Variants in KRT13 observed in about 807,000 individuals in gnomAD.
The protein encoded by KRT13 is keratin 13.
In KRT13, 27 loss-of-function variants were observed where a neutral mutation model predicts 40.6. The ratio of observed to expected loss-of-function variants is 0.67; its 90% CI spans 0.49 to 0.92. The LOEUF (loss-of-function observed/expected upper bound fraction) is 0.92, where lower values mean the gene tolerates loss of function less well. Among genes scored for constraint, KRT13 ranks in the 40% least tolerant of loss-of-function variants. The pLI is 0.00. For missense variants in KRT13, 605 were observed against 611.5 expected (o/e 0.99, Z 0.11); for synonymous variants, 266 against 240.3 (o/e 1.11, Z -0.99).
Position 41,501,108 on chromosome 17 carries a change from C to A in KRT13, c.*148G>T. On this transcript the variant is annotated 3_prime_UTR_variant, in exon 8 of 8. Transcript: ENST00000246635. ...ACCGGAAGAGAAGAGCACAGAGGGCCCACCATCAGGAGAGAGTCAGGACAG... is the reference window on the plus strand; with the variant it reads ...ACCGGAAGAGAAGAGCACAGAGGGCACACCATCAGGAGAGAGTCAGGACAG... 1.6e-6 allele frequency: 1 copy of A among 633,064 alleles called. No homozygotes were observed. Among genetic ancestry groups the A allele is most frequent in the East Asian group, 3.0e-5 (1 of 33,328 alleles). 39.2% of individuals were successfully genotyped at this position (633,064 alleles called of 1,614,324 possible).
In KRT13 at chr17:41,501,424, G is replaced by GC. The variant is rs540960561; in HGVS notation, c.1271-63dup. On this transcript the variant is annotated intron_variant, in intron 7 of 7. Coordinates refer to ENST00000246635, the MANE Select transcript of KRT13 (RefSeq NM_153490.3). The stretch of plus-strand genomic sequence containing the variant: ...AAGACCCACCTCAGGACAGGGCAGG[G>GC]CCCCCCTGGAGGGCTCACAAACTCC... 508 of 1,380,240 alleles carry GC rather than the reference G, an allele frequency of 3.7e-4. 7 individuals are homozygous for GC. The East Asian group carries it at 0.011, about 29-fold the overall frequency. The allele number at this position is 1,380,240 out of a possible 1,614,324, so 85.5% of individuals were successfully genotyped here. A position where few individuals can be genotyped will look rare whatever the true frequency, so the allele number is the denominator to read the frequency against.
rs764004897 is a variant in KRT13, at chr17:41,502,734, G to T, written c.976C>A (p.Arg326Ser). The T allele has an allele frequency of 8.7e-6, 14 of 1,614,052 alleles. No individual in the cohort carries two copies. The highest frequency in any genetic ancestry group is 2.7e-5 in the African/African-American group (2 of 74,936). The change falls in exon 5 of 8, where the codon CGC becomes AGC. Residue 326 changes from arginine to serine, a missense_variant. Coordinates refer to ENST00000246635, the MANE Select transcript of KRT13 (RefSeq NM_153490.3). ...TCAATCTCCAGGCCTTGGAGCGTGC[G>T]CCTGAGCTCCGTGATCTCTGTCTTG... The part of the protein sequence containing the change: ...TSKTEITELR[R>S]TLQGLEIELQ...
At chr17:41,502,335 G>T in intron 6 of KRT13, 39 bp downstream of exon 6, 1 of 1,613,418 alleles carries the variant, frequency 6.2e-7, no homozygotes, top group South Asian at 1.1e-5. Context: ...CACGGGTCCT[G>T]CAGTCACTAT....
chr17:41,505,463 A>G lies in KRT13; in HGVS notation c.88T>C (p.Ser30Pro). 2 of 1,614,112 alleles carry G rather than the reference A, an allele frequency of 1.2e-6. No homozygotes were observed. The highest frequency in any genetic ancestry group is 1.7e-6 in the Non-Finnish European group (2 of 1,179,950). Residue 30 changes from serine to proline, a missense_variant, in exon 1 of 8, where the codon TCT (serine) becomes CCT (proline). Ser to Pro is a moderately conservative substitution (Grantham distance 74). Coordinates refer to ENST00000246635, the MANE Select transcript of KRT13 (RefSeq NM_153490.3). ...SCQLGGGRGV[S>P]TCSTRFVSGG... Reference sequence around the variant, plus strand: ...GACACAAACCGAGTTGAACAGGTAGAGACACCACGGCCTCCTCCCAGCTGG... The same window carrying G: ...GACACAAACCGAGTTGAACAGGTAGGGACACCACGGCCTCCTCCCAGCTGG...
At position 41,505,359 on chromosome 17, in the gene KRT13, G is replaced by A; in HGVS notation, c.192C>T (p.Gly64=). 6.2e-7 allele frequency: 1 copy of A among 1,613,778 alleles called. No individual in the cohort carries two copies. The highest frequency in any genetic ancestry group is 8.5e-7 in the Non-Finnish European group (1 of 1,179,782). ...GGGAGSGFGG[G]YGGGLGGGYG... is the part of the protein sequence containing the mutation. ...AGCCACCTCCAAGGCCACCTCCATA[G>A]CCACCTCCAAAGCCACTACCAGCCC... Residue 64 remains glycine, a synonymous_variant, in exon 1 of 8, where the codon GGC becomes GGT. Coordinates refer to ENST00000246635, the MANE Select transcript of KRT13 (RefSeq NM_153490.3).
rs555645864 is a variant in KRT13, at chr17:41,501,017, T to C, written c.*239A>G. ...AAAGGCAGGAAACTTTATTGAATAA[T>C]CTTTTCTTTGGGGTAGAGAAGTTGA... On this transcript the variant is annotated 3_prime_UTR_variant, in exon 8 of 8. Transcript: ENST00000246635. 318 of 415,330 alleles carry C rather than the reference T, an allele frequency of 7.7e-4. 2 individuals are homozygous for C. The highest frequency in any genetic ancestry group is 6.1e-3 in the African/African-American group (301 of 49,068). The allele number at this position is 415,330 out of a possible 1,614,324, so 25.7% of individuals were successfully genotyped here. A position where few individuals can be genotyped will look rare whatever the true frequency, so the allele number is the denominator to read the frequency against.
At chr17:41,504,919 G>A (rs1905003896) in intron 1 of KRT13, 137 bp downstream of exon 1, 1 of 945,864 alleles carries the variant, frequency 1.1e-6, no homozygotes. Context: ...GAGACTCTTG[G>A]TAGTCAAACA....
rs117151355 is a variant in KRT13 at position 41,503,472 on chromosome 17, T to C, written c.579-29A>G. Reference sequence around the variant, plus strand: ...AAATAGTAAAAAAATGAAATGTTTTTTGAAAAAGCAAGACATAAATGATAT... The same window carrying C: ...AAATAGTAAAAAAATGAAATGTTTTCTGAAAAAGCAAGACATAAATGATAT... On this transcript the variant is annotated intron_variant, in intron 2 of 7. Transcript: ENST00000246635. 0.067 allele frequency: 107,622 copies of C among 1,612,678 alleles called. 4,092 individuals are homozygous for C. The highest frequency in any genetic ancestry group is 0.13 in the Admixed American group (7,626 of 59,932).
chr17:41,501,032 A>G lies in KRT13; in HGVS notation c.*224T>C, dbSNP rs982265384. The G allele has an allele frequency of 3.6e-5, 16 of 447,334 alleles. No individual in the cohort carries two copies. Among genetic ancestry groups the G allele is most frequent in the Non-Finnish European group, 5.9e-5 (14 of 238,992 alleles). The allele number at this position is 447,334 out of a possible 1,614,324, so 27.7% of individuals were successfully genotyped here. A position where few individuals can be genotyped will look rare whatever the true frequency, so the allele number is the denominator to read the frequency against. On this transcript the variant is annotated 3_prime_UTR_variant, in exon 8 of 8. Coordinates refer to ENST00000246635, the MANE Select transcript of KRT13 (RefSeq NM_153490.3). Reference sequence around the variant, plus strand: ...TATTGAATAATCTTTTCTTTGGGGTAGAGAAGTTGAGAAACCAAAGCGTAT... The same window carrying G: ...TATTGAATAATCTTTTCTTTGGGGTGGAGAAGTTGAGAAACCAAAGCGTAT...
chr17:41,505,446 C>T lies in KRT13; in HGVS notation c.105G>A (p.Arg35=). The T allele has an allele frequency of 6.2e-7, 1 of 1,613,830 alleles. No individual in the cohort carries two copies. The highest frequency in any genetic ancestry group is 1.1e-5 in the South Asian group (1 of 91,072). The part of the protein sequence containing the change: ...GGRGVSTCST[R]FVSGGSAGGY... ...CCCCAGCTGATCCCCCGGACACAAACCGAGTTGAACAGGTAGAGACACCAC... is the reference window on the plus strand; with the variant it reads ...CCCCAGCTGATCCCCCGGACACAAATCGAGTTGAACAGGTAGAGACACCAC... The change falls in exon 1 of 8, where the codon CGG becomes CGA. Residue 35 remains arginine, a synonymous_variant. Coordinates refer to ENST00000246635, the MANE Select transcript of KRT13 (RefSeq NM_153490.3).
chr17:41,501,907 C>G, intron 6 of KRT13, 163 bp from the exon 7 acceptor site: 6 of 1,504,624 alleles, frequency 4.0e-6, no homozygotes, highest in Non-Finnish European at 5.3e-6. Context: ...CATCAGGTGC[C>G]CACTGGGACT....
chr17:41,503,175 C>G, intron 3 of KRT13, 77 bp from the exon 4 acceptor site: 2 of 1,605,406 alleles, frequency 1.2e-6, no homozygotes, highest in South Asian at 2.2e-5. Context: ...GCAGAGTGTT[C>G]TGGAGAGTGT....
chr17:41,505,346 GGCCACCTCCATAGCCACCTCCAAA>G lies in KRT13; in HGVS notation c.181_204del (p.Phe61_Gly68del), dbSNP rs1567714752. ...AGGCCACCTCCATAGCCACCTCCAAGGCCACCTCCATAGCCACCTCCAAAGCCACTACCAGCCCCTCCACCAAAA... is the reference window on the plus strand; with the variant it reads ...AGGCCACCTCCATAGCCACCTCCAAGGCCACTACCAGCCCCTCCACCAAAA... On this transcript the variant is annotated inframe_deletion, in exon 1 of 8. Coordinates refer to ENST00000246635, the MANE Select transcript of KRT13 (RefSeq NM_153490.3). 12 of 1,613,384 alleles carry G rather than the reference GGCCACCTCCATAGCCACCTCCAAA, an allele frequency of 7.4e-6. No individual in the cohort carries two copies. Among genetic ancestry groups the G allele is most frequent in the African/African-American group, 5.3e-5 (4 of 74,850 alleles).
At chr17:41,504,374 C>T (rs1054660842) in intron 1 of KRT13, 1 of 157,236 alleles carries the variant, frequency 6.4e-6, no homozygotes, top group African/African-American at 2.4e-5. Context: ...TTTGCTAGAG[C>T]TGACTTCCCA....
intron 6 of KRT13, 160 bp downstream of exon 6, chr17:41,502,214 G>T: frequency 6.5e-7 from 1 of 1,545,610 alleles, no homozygotes; most frequent in Admixed American, 1.9e-5. Context: ...AAAGTTTAAA[G>T]GTGTTAACCC....
At position 41,503,350 on chromosome 17, in the gene KRT13, G is replaced by A; in HGVS notation, c.672C>T (p.Asp224=). 1.9e-6 allele frequency: 3 copies of A among 1,614,224 alleles called. No individual in the cohort carries two copies. Among genetic ancestry groups the A allele is most frequent in the Non-Finnish European group, 2.5e-6 (3 of 1,180,032 alleles). The change falls in exon 3 of 8, where the codon GAC becomes GAT. Residue 224 remains aspartate, a synonymous_variant. Transcript: ENST00000246635. Reference sequence around the variant, plus strand: ...TCAGGCTCTCGATCTGCATCTCCAGGTCAGTCTTAGACAGAGTGAGCTCAT... The same window carrying A: ...TCAGGCTCTCGATCTGCATCTCCAGATCAGTCTTAGACAGAGTGAGCTCAT... ...VLDELTLSKT[D]LEMQIESLNE...
Position 41,505,415 on chromosome 17 carries a change from C to T in KRT13, c.136G>A (p.Gly46Arg). 1.2e-6 allele frequency: 2 copies of T among 1,613,606 alleles called. No individual in the cohort carries two copies. The highest frequency in any genetic ancestry group is 1.7e-6 in the Non-Finnish European group (2 of 1,179,584). ...CCAAAACCACAGCTCACGCCGCCTC[C>T]ATAGCCCCCAGCTGATCCCCCGGAC... The part of the protein sequence containing the change: ...FVSGGSAGGY[G>R]GGVSCGFGGG... Residue 46 changes from glycine (G) to arginine (R), a missense_variant, in exon 1 of 8, where the codon GGA becomes AGA. Gly to Arg is a moderately radical substitution (Grantham distance 125). Coordinates refer to ENST00000246635, the MANE Select transcript of KRT13 (RefSeq NM_153490.3).
At position 41,501,072 on chromosome 17, in the gene KRT13, A is replaced by T; in HGVS notation, c.*184T>A. 1.8e-6 allele frequency: 1 copy of T among 546,858 alleles called. No homozygotes were observed. The highest frequency in any genetic ancestry group is 3.4e-6 in the Non-Finnish European group (1 of 296,536). The allele number at this position is 546,858 out of a possible 1,614,324, so 33.9% of individuals were successfully genotyped here. A position where few individuals can be genotyped will look rare whatever the true frequency, so the allele number is the denominator to read the frequency against. On this transcript the variant is annotated 3_prime_UTR_variant, in exon 8 of 8. Coordinates refer to ENST00000246635, the MANE Select transcript of KRT13 (RefSeq NM_153490.3). ...CCAAAGCGTATCCAGGTCAGAGAGGAGAGAGATCCGACCGGAAGAGAAGAG... is the reference window on the plus strand; with the variant it reads ...CCAAAGCGTATCCAGGTCAGAGAGGTGAGAGATCCGACCGGAAGAGAAGAG...
chr17:41,504,223 G>A (rs1904982168), intron 1 of KRT13: 2 of 182,900 alleles, frequency 1.1e-5, no homozygotes, highest in Admixed American at 1.1e-4. Context: ...GTGCATTTCT[G>A]AGGAACGACC....
Sources: gnomAD v4.1 joint callset for allele counts on GRCh38, gnomAD v4.1.1 for gene constraint, MANE v1.5 for transcripts, NCBI Gene and HGNC (gene_info 2026-07-23, HGNC 2026-07-21) for gene names.